The following NELL1 variants were observed in gnomAD, a reference collection of about 807,000 sequenced individuals.
The protein encoded by NELL1 is protein kinase C-binding protein NELL1.
A neutral mutation model predicts 107.4 loss-of-function variants in NELL1; 76 were observed. The observed-to-expected ratio is 0.71, with a 90% CI of 0.59 to 0.86. The LOEUF (loss-of-function observed/expected upper bound fraction) is 0.86. Ranked by LOEUF, NELL1 falls within the 40% of genes least tolerant of loss-of-function variation. The probability of loss-of-function intolerance (pLI) is 0.00; values close to 1 mark genes in which losing one functional copy is unlikely to be tolerated. For missense variants in NELL1, 1,024 were observed against 1,005.5 expected, an observed-to-expected ratio of 1.02 and a Z score of -0.25; for synonymous variants, 353 against 341.2, an observed-to-expected ratio of 1.03 and a Z score of -0.38.
chr11:20,719,419 A>C (rs949469593), intron 2 of NELL1, among the ~76,000 whole-genome samples: 3 of 151,234 alleles, frequency 2.0e-5, no homozygotes, highest in African/African-American at 7.3e-5. Context: ...TACTATTAAA[A>C]ACACACACAC....
chr11:21,197,822 A>T (rs1857187514), intron 13 of NELL1, among the ~76,000 whole-genome samples: 1 of 152,128 alleles, frequency 6.6e-6, no homozygotes, highest in Admixed American at 6.6e-5. Context: ...GTTTCACAAG[A>T]TCTCACTGAA....
chr11:21,010,800 G>C (rs1400605350), intron 12 of NELL1, among the ~76,000 whole-genome samples: 1 of 152,084 alleles, frequency 6.6e-6, no homozygotes, highest in Non-Finnish European at 1.5e-5. Flanking sequence ...CCCTGCCCCA[G>C]ATAATTAGAA....
intron 14 of NELL1, among the ~76,000 whole-genome samples, chr11:21,316,571 C>T (rs755115983): frequency 3.9e-5 from 6 of 152,154 alleles, no homozygotes; most frequent in Non-Finnish European, 8.8e-5. Flanking sequence ...CTAGTCTCAA[C>T]ATGGTCAGGT....
In NELL1 at chr11:21,044,811, T is replaced by C. The variant is rs768231974; in HGVS notation, c.1301-68778T>C. Among the ~76,000 whole-genome samples the C allele has an allele frequency of 3.3e-4, 50 of 152,138 alleles. 1 individual carries two copies. The highest frequency in any genetic ancestry group is 7.4e-5 in the Non-Finnish European group (5 of 68,012). ...TTCTCTGTGAAGTGGGATTATCAAA[T>C]GAGAGCTGTAAAGTATACATCTGCG... On this transcript the variant is annotated intron_variant, in intron 12 of 19. Coordinates refer to ENST00000357134, the MANE Select transcript of NELL1 (RefSeq NM_006157.5).
At chr11:20,774,245 C>G (rs1466770320) in intron 2 of NELL1, among the ~76,000 whole-genome samples, 1 of 129,864 alleles carries the variant, frequency 7.7e-6, no homozygotes, top group Non-Finnish European at 1.6e-5. Context: ...TTCCTTTCCT[C>G]CCCCTCTCCC....
intron 14 of NELL1, among the ~76,000 whole-genome samples, chr11:21,287,346 G>T (rs1353775725): frequency 6.6e-6 from 1 of 151,996 alleles, no homozygotes; most frequent in South Asian, 2.1e-4. Context: ...GTTTAGCCCT[G>T]TTCAATCTAT....
At chr11:21,377,186 A>G (rs1462686736) in intron 15 of NELL1, among the ~76,000 whole-genome samples, 1 of 152,094 alleles carries the variant, frequency 6.6e-6, no homozygotes, top group East Asian at 1.9e-4. Context: ...TGGATTTGTC[A>G]TAGATGGCTC....
At chr11:20,725,373 T>A (rs931708551) in intron 2 of NELL1, among the ~76,000 whole-genome samples, 1 of 152,088 alleles carries the variant, frequency 6.6e-6, no homozygotes, top group African/African-American at 2.4e-5. Flanking sequence ...AGAGATGGCA[T>A]GAAAGTAGGT....
intron 14 of NELL1, among the ~76,000 whole-genome samples, chr11:21,262,820 A>G (rs1848559820): frequency 6.6e-6 from 1 of 151,850 alleles, no homozygotes; most frequent in Non-Finnish European, 1.5e-5. Context: ...CTGACATGAT[A>G]TCTTTGGTGA....
intron 14 of NELL1, among the ~76,000 whole-genome samples, chr11:21,364,256 A>C (rs1345137801): frequency 1.3e-5 from 2 of 151,614 alleles, no homozygotes; most frequent in African/African-American, 4.8e-5. Flanking sequence ...TAAAAATACA[A>C]AAAAATTAGC....
chr11:21,412,352 C>T lies in NELL1; in HGVS notation c.1645+41404C>T, dbSNP rs141610479. On this transcript the variant is annotated intron_variant, in intron 15 of 19. Coordinates refer to ENST00000357134, the MANE Select transcript of NELL1 (RefSeq NM_006157.5). ...TGATTTTGTAATTAAATAATAGGAG[C>T]TATAATTTATAAATGCCTACTAAAT... is the stretch of plus-strand genomic sequence containing the variant. 1.5e-4 allele frequency among the ~76,000 whole-genome samples: 23 copies of T among 152,082 alleles called. No individual in the cohort carries two copies. The East Asian group carries it at 3.5e-3, about 23-fold the overall frequency.
intron 2 of NELL1, among the ~76,000 whole-genome samples, chr11:20,770,340 A>T (rs1263887655): frequency 2.0e-5 from 3 of 152,200 alleles, no homozygotes; most frequent in Non-Finnish European, 4.4e-5. Flanking sequence ...GAGGAGGTCC[A>T]TTTTTAAAGA....
intron 12 of NELL1, among the ~76,000 whole-genome samples, chr11:21,109,700 C>T (rs1187715418): frequency 6.6e-6 from 1 of 152,062 alleles, no homozygotes; most frequent in African/African-American, 2.4e-5. Context: ...CCCTTCAGAG[C>T]CTTTTTTCTG....
intron 4 of NELL1, among the ~76,000 whole-genome samples, chr11:20,859,349 C>T (rs1848936994): frequency 6.6e-6 from 1 of 152,172 alleles, no homozygotes; most frequent in Admixed American, 6.5e-5. Context: ...TTCAAAGACT[C>T]CCTCTTTCCT....
At chr11:21,099,074 GTC>G (rs1419035980) in intron 12 of NELL1, among the ~76,000 whole-genome samples, 1 of 151,728 alleles carries the variant, frequency 6.6e-6, no homozygotes, top group African/African-American at 2.4e-5. Context: ...ATTTATTCAA[GTC>G]TCTTTTATTT....
intron 14 of NELL1, among the ~76,000 whole-genome samples, chr11:21,275,077 C>CA (rs1327928161): frequency 1.3e-5 from 2 of 151,868 alleles, no homozygotes; most frequent in South Asian, 2.1e-4. Flanking sequence ...GATGGACACA[C>CA]AAAAAAACCC....
At chr11:20,752,182 C>G (rs1856155868) in intron 2 of NELL1, among the ~76,000 whole-genome samples, 1 of 151,822 alleles carries the variant, frequency 6.6e-6, no homozygotes, top group Non-Finnish European at 1.5e-5. Flanking sequence ...CTGATGTTAC[C>G]TGTAGATTTT....
chr11:20,720,687 C>G (rs926243645), intron 2 of NELL1, among the ~76,000 whole-genome samples: 1 of 152,098 alleles, frequency 6.6e-6, no homozygotes, highest in African/African-American at 2.4e-5. Flanking sequence ...TTATGGGGCT[C>G]TCTCCCTGGC....
At chr11:21,544,224 GTTA>G (rs1270584966) in intron 16 of NELL1, among the ~76,000 whole-genome samples, 2 of 151,980 alleles carry the variant, frequency 1.3e-5, no homozygotes, top group Non-Finnish European at 2.9e-5. Flanking sequence ...GTATTGGGAT[GTTA>G]TTATAAGTAT....
Sources: allele counts gnomAD v4.1 joint callset (sites outside exome capture counted in the v4.1 genomes callset), GRCh38; gene constraint gnomAD v4.1.1; transcripts MANE v1.5; gene names NCBI Gene and HGNC (gene_info 2026-07-23, HGNC 2026-07-21).